SLC8A1: variants seen among roughly 807,000 people sequenced by gnomAD.
SLC8A1 encodes the protein sodium/calcium exchanger 1.
Under a neutral mutation model 68.3 loss-of-function variants are expected in SLC8A1, and 18 were observed. The ratio of observed to expected loss-of-function variants is 0.26; its 90% CI spans 0.18 to 0.39. SLC8A1 has a LOEUF of 0.39. SLC8A1 is among the 10% of genes least tolerant of loss of function. The pLI is 1.00. For synonymous variants in SLC8A1, 475 were observed against 415.5 expected, an observed-to-expected ratio of 1.14 and a Z score of -1.74; for missense variants, 985 against 1,156.7, an observed-to-expected ratio of 0.85 and a Z score of 2.15.
chr2:40,243,059 A>C (rs2061415684), intron 2 of SLC8A1, among the ~76,000 whole-genome samples: 1 of 152,250 alleles, frequency 6.6e-6, no homozygotes, highest in Non-Finnish European at 1.5e-5. Flanking sequence ...CTGAATGTCC[A>C]GTAAAAGCAG....
intron 2 of SLC8A1, among the ~76,000 whole-genome samples, chr2:40,290,159 G>C (rs2069038123): frequency 6.6e-6 from 1 of 151,822 alleles, no homozygotes; most frequent in African/African-American, 2.4e-5. Flanking sequence ...AAGTCAAGGA[G>C]ACCCCATATC....
At chr2:40,284,274 G>A (rs1380230680) in intron 2 of SLC8A1, among the ~76,000 whole-genome samples, 1 of 148,842 alleles carries the variant, frequency 6.7e-6, no homozygotes, top group East Asian at 2.0e-4. Context: ...AATATATAGA[G>A]ACATCTCTGA....
At chr2:40,327,206 T>A (rs928646571) in intron 2 of SLC8A1, among the ~76,000 whole-genome samples, 3 of 152,230 alleles carry the variant, frequency 2.0e-5, no homozygotes, top group Admixed American at 2.0e-4. Flanking sequence ...AAATGATAAT[T>A]ACATTTCTAA....
intron 2 of SLC8A1, among the ~76,000 whole-genome samples, chr2:40,222,338 A>G (rs1459028680): frequency 2.0e-5 from 3 of 152,156 alleles, no homozygotes; most frequent in Non-Finnish European, 2.9e-5. Context: ...GAAAACTGAA[A>G]CTGGACCACT....
At chr2:40,449,148 TA>T (rs563163544) in intron 1 of SLC8A1, among the ~76,000 whole-genome samples, 2,191 of 129,444 alleles carry the variant, frequency 0.017, 31 homozygotes, top group African/African-American at 0.041. Context: ...ATTGCAACAT[TA>T]AAAAAAAAAA....
At chr2:40,355,652 C>G (rs529581873) in intron 2 of SLC8A1, among the ~76,000 whole-genome samples, 2 of 152,086 alleles carry the variant, frequency 1.3e-5, no homozygotes, top group Non-Finnish European at 2.9e-5. Flanking sequence ...ACCCTGAGGC[C>G]AGGTCACTAA....
At chr2:40,334,819 G>C (rs1210610199) in intron 2 of SLC8A1, among the ~76,000 whole-genome samples, 1 of 152,102 alleles carries the variant, frequency 6.6e-6, no homozygotes, top group East Asian at 1.9e-4. Context: ...TATTAAAGAA[G>C]AACTGTTGAG....
intron 2 of SLC8A1, among the ~76,000 whole-genome samples, chr2:40,392,224 GAAAGAA>G (rs1020523736): frequency 6.6e-6 from 1 of 150,520 alleles, no homozygotes; most frequent in African/African-American, 2.5e-5. Context: ...AAAGAAAAGA[GAAAGAA>G]AAAGAAAGAG....
rs189308931 is a variant in SLC8A1 at position 40,389,309 on chromosome 2, T to C, written c.1808+39164A>G. On this transcript the variant is annotated intron_variant, in intron 2 of 7. Coordinates refer to ENST00000406785, the Ensembl canonical transcript of SLC8A1. ...ATCCCCAGTCTCACGGTAAGTGTCC[T>C]ACATATTTAGTAGAGGGTGATATGA... 7.2e-5 allele frequency among the ~76,000 whole-genome samples: 11 copies of C among 152,188 alleles called. No homozygotes were observed. In the East Asian group the frequency reaches 1.5e-3, roughly 21 times the overall value.
At chr2:40,174,918 C>T (rs981995979) in intron 3 of SLC8A1, 76 bp from the exon 5 acceptor site, 28 of 1,408,278 alleles carry the variant, frequency 2.0e-5, no homozygotes, top group Non-Finnish European at 2.8e-5. Flanking sequence ...ATCAGACTGC[C>T]TGACAACCCA....
chr2:40,264,954 G>T (rs1307712618), intron 2 of SLC8A1, among the ~76,000 whole-genome samples: 3 of 152,154 alleles, frequency 2.0e-5, no homozygotes, highest in Admixed American at 2.0e-4. Context: ...GGCTTAGAGG[G>T]TGTTTATGAG....
chr2:40,303,784 C>A (rs1315026170), intron 2 of SLC8A1, among the ~76,000 whole-genome samples: 1 of 152,174 alleles, frequency 6.6e-6, no homozygotes, highest in East Asian at 1.9e-4. Context: ...GTTTTCCAGA[C>A]CTCACTTTCT....
chr2:40,176,948 C>T (rs1170130037), intron 3 of SLC8A1, among the ~76,000 whole-genome samples: 1 of 152,090 alleles, frequency 6.6e-6, no homozygotes, highest in Non-Finnish European at 1.5e-5. Context: ...CTCTGTAAAG[C>T]TGATACAAGA....
intron 1 of SLC8A1, among the ~76,000 whole-genome samples, chr2:40,508,953 G>A (rs1035255594): frequency 1.3e-5 from 2 of 152,112 alleles, no homozygotes; most frequent in Middle Eastern, 3.4e-3. Context: ...CCTACCCTAC[G>A]TGATTTTCAT....
intron 2 of SLC8A1, among the ~76,000 whole-genome samples, chr2:40,378,136 C>T (rs1680532526): frequency 6.6e-6 from 1 of 151,958 alleles, no homozygotes; most frequent in South Asian, 2.1e-4. Context: ...AGTTTAAATT[C>T]TGGTGAAAGG....
chr2:40,312,737 T>A (rs1264483397), intron 2 of SLC8A1, among the ~76,000 whole-genome samples: 1 of 152,098 alleles, frequency 6.6e-6, no homozygotes. Context: ...ACTTTTAGAT[T>A]TGGAACCATG....
intron 1 of SLC8A1, among the ~76,000 whole-genome samples, chr2:40,473,994 A>G (rs1441867435): frequency 6.6e-6 from 1 of 152,206 alleles, no homozygotes; most frequent in Admixed American, 6.5e-5. Context: ...CACAAATCGT[A>G]GTCATAGTGC....
At chr2:40,509,982 C>A (rs1398874678) in intron 1 of SLC8A1, among the ~76,000 whole-genome samples, 1 of 152,034 alleles carries the variant, frequency 6.6e-6, no homozygotes, top group Non-Finnish European at 1.5e-5. Flanking sequence ...CATGCACCGC[C>A]ACACCTGGCT....
At chr2:40,178,359 G>T (rs761703994) in intron 2 of SLC8A1, 28 bp downstream of exon 3, 2 of 1,572,952 alleles carry the variant, frequency 1.3e-6, no homozygotes, top group Admixed American at 3.3e-5. Context: ...AGAAGCTGTT[G>T]GGCTCAGCCC....
Sources: allele counts gnomAD v4.1 joint callset (sites outside exome capture counted in the v4.1 genomes callset), GRCh38; gene constraint gnomAD v4.1.1; transcripts MANE v1.5; gene names NCBI Gene and HGNC (gene_info 2026-07-23, HGNC 2026-07-21).